CSPP1: variants seen among roughly 807,000 people sequenced by gnomAD.
CSPP1 encodes the protein centrosome and spindle pole associated protein 1.
Under a neutral mutation model 164.4 loss-of-function variants are expected in CSPP1, and 126 were observed. The observed-to-expected ratio is 0.77, with a 90% CI of 0.66 to 0.89. CSPP1 has a LOEUF of 0.89. Among genes scored for constraint, CSPP1 ranks in the 40% least tolerant of loss-of-function variants. CSPP1 has a pLI of 0.00. For missense variants in CSPP1, 1,395 were observed against 1,449.8 expected (o/e 0.96, Z 0.61); for synonymous variants, 472 against 476.7 (o/e 0.99, Z 0.13).
At chr8:67,083,836 C>T (rs1044984286) in intron 3 of CSPP1, 1 of 151,842 alleles carries the variant, frequency 6.6e-6, no homozygotes, top group Non-Finnish European at 1.5e-5. Context: ...TTGGTAACTA[C>T]CTCTCTCTAT....
Position 67,146,485 on chromosome 8 carries a change from A to G in CSPP1, c.1976-3298A>G, listed in dbSNP as rs533590409. 2.6e-5 allele frequency among the ~76,000 whole-genome samples: 4 copies of G among 152,310 alleles called. No individual in the cohort carries two copies. The South Asian group carries it at 8.3e-4, about 32-fold the overall frequency. On this transcript the variant is annotated intron_variant, in intron 17 of 30. Coordinates refer to ENST00000678616, the MANE Select transcript of CSPP1 (RefSeq NM_001382391.1). Reference sequence around the variant, plus strand: ...GTTTGTGAGATTTGTTTTATGAGCCATCAGTTAGAATTTTACTCTATAAGT... The same window carrying G: ...GTTTGTGAGATTTGTTTTATGAGCCGTCAGTTAGAATTTTACTCTATAAGT...
intron 4 of CSPP1, chr8:67,086,339 T>C: frequency 1.8e-6 from 1 of 550,036 alleles, no homozygotes; most frequent in Admixed American, 2.8e-5. Flanking sequence ...ACTAAGGCAG[T>C]GGATTCTAAT....
intron 7 of CSPP1, among the ~76,000 whole-genome samples, chr8:67,100,813 A>T (rs1259416462): frequency 1.3e-5 from 2 of 149,492 alleles, no homozygotes; most frequent in East Asian, 3.9e-4. Flanking sequence ...ATAAATAAAG[A>T]TTATTTTTAT....
In CSPP1 at chr8:67,091,819, C is replaced by A. The variant is rs376349106; in HGVS notation, c.320C>A (p.Thr107Lys). ...RYLTQKNFLSTSETDPSTLGV... is the reference protein window; with the variant it reads ...RYLTQKNFLSKSETDPSTLGV... ...TATATACAGAAAAATTTTCTATCTA[C>A]GAGTGAAACAGATCCATCTACTTTG... The change falls in exon 5 of 31, where the codon ACG (threonine) becomes AAG (lysine). Residue 107 changes from threonine to lysine, a missense_variant. Physicochemically the swap from Thr to Lys is moderately conservative, Grantham distance 78 (BLOSUM62 -1). Coordinates refer to ENST00000678616, the MANE Select transcript of CSPP1 (RefSeq NM_001382391.1). 78 of 1,330,574 alleles carry A rather than the reference C, an allele frequency of 5.9e-5. No homozygotes were observed. The highest frequency in any genetic ancestry group is 6.7e-5 in the Non-Finnish European group (67 of 1,000,294). The allele number at this position is 1,330,574 out of a possible 1,614,324, so 82.4% of individuals were successfully genotyped here.
At chr8:67,070,016 C>T (rs916510882) in intron 1 of CSPP1, among the ~76,000 whole-genome samples, 10 of 150,916 alleles carry the variant, frequency 6.6e-5, no homozygotes, top group South Asian at 2.1e-4. Flanking sequence ...AAAATATATG[C>T]GTTATCTCAT....
chr8:67,124,220 A>C (rs184036693), intron 15 of CSPP1, among the ~76,000 whole-genome samples: 3 of 152,210 alleles, frequency 2.0e-5, no homozygotes, highest in Admixed American at 2.0e-4. Context: ...TTTATGTTAA[A>C]TATTTAATAG....
intron 28 of CSPP1, among the ~76,000 whole-genome samples, chr8:67,186,390 A>C (rs1834583269): frequency 6.7e-6 from 1 of 149,962 alleles, no homozygotes; most frequent in East Asian, 2.0e-4. Flanking sequence ...AAAAATATAC[A>C]TGTGAAATAA....
chr8:67,129,374 A>G (rs1169540891), intron 15 of CSPP1, among the ~76,000 whole-genome samples: 1 of 152,186 alleles, frequency 6.6e-6, no homozygotes, highest in Non-Finnish European at 1.5e-5. Context: ...TTTGCAAAAT[A>G]ATATATGGTT....
At chr8:67,174,465 A>C (rs1831130549) in intron 25 of CSPP1, 1 of 152,304 alleles carries the variant, frequency 6.6e-6, no homozygotes, top group African/African-American at 2.4e-5. Context: ...CTCAAGATTA[A>C]AAAATTTTTA....
chr8:67,147,341 G>T (rs1434715647), intron 17 of CSPP1, among the ~76,000 whole-genome samples: 1 of 152,084 alleles, frequency 6.6e-6, no homozygotes, highest in Non-Finnish European at 1.5e-5. Context: ...ACCTTTTTCT[G>T]TGGTTTCACC....
At chr8:67,067,208 T>C (rs1034375043) in intron 1 of CSPP1, among the ~76,000 whole-genome samples, 2 of 152,180 alleles carry the variant, frequency 1.3e-5, no homozygotes, top group African/African-American at 4.8e-5. Flanking sequence ...TTCCCATCTT[T>C]TTGTGACTGA....
At chr8:67,119,092 A>G (rs1053336360) in intron 15 of CSPP1, among the ~76,000 whole-genome samples, 7 of 151,708 alleles carry the variant, frequency 4.6e-5, no homozygotes, top group Non-Finnish European at 8.8e-5. Flanking sequence ...GATTTTGACT[A>G]CTCCATGTAC....
At chr8:67,080,097 TTCAG>T (rs775699733) in intron 3 of CSPP1, among the ~76,000 whole-genome samples, 2 of 152,184 alleles carry the variant, frequency 1.3e-5, no homozygotes, top group African/African-American at 4.8e-5. Context: ...GGCTTTAAAA[TTCAG>T]TCAAATACAT....
At chr8:67,064,721 G>C in intron 1 of CSPP1, 183 bp downstream of exon 1, 1 of 540,098 alleles carries the variant, frequency 1.9e-6, no homozygotes, top group South Asian at 2.5e-5. Context: ...GTCGGCAGGG[G>C]GTCTCGTGGC....
intron 26 of CSPP1, 195 bp downstream of exon 26, chr8:67,175,631 G>A: frequency 1.4e-6 from 1 of 700,396 alleles, no homozygotes; most frequent in South Asian, 1.5e-5. Flanking sequence ...CACTAGGGTG[G>A]TGTATTCATG....
chr8:67,158,900 A>G lies in CSPP1; in HGVS notation c.2392-91A>G, dbSNP rs897809589. On this transcript the variant is annotated intron_variant, in intron 20 of 30. Transcript: ENST00000678616. ...ACCATATCATGTCATCTATATCTTT[A>G]TCTCATTTTATCAGATAAATAAGGC... is the stretch of plus-strand genomic sequence containing the variant. 31 of 1,104,110 alleles carry G rather than the reference A, an allele frequency of 2.8e-5. No homozygotes were observed. The African/African-American group carries it at 3.2e-4, about 11-fold the overall frequency. The allele number at this position is 1,104,110 out of a possible 1,614,324, so 68.4% of individuals were successfully genotyped here. A position where few individuals can be genotyped will look rare whatever the true frequency, so the allele number is the denominator to read the frequency against.
intron 17 of CSPP1, among the ~76,000 whole-genome samples, chr8:67,145,445 A>T (rs1824333964): frequency 6.9e-6 from 1 of 145,832 alleles, no homozygotes; most frequent in African/African-American, 2.5e-5. Flanking sequence ...TGTTTCAGTG[A>T]TTTTGCTCTT....
chr8:67,093,682 A>G lies in CSPP1; in HGVS notation c.483+41A>G, dbSNP rs912929536. On this transcript the variant is annotated intron_variant, in intron 6 of 30. Coordinates refer to ENST00000678616, the MANE Select transcript of CSPP1 (RefSeq NM_001382391.1). ...GAATTAAATCTGTACTACTACTACC[A>G]CAGGTTGAATATTTTGTACTTGAAA... The G allele has an allele frequency of 3.0e-5, 32 of 1,072,198 alleles. 1 individual carries two copies. Among genetic ancestry groups the G allele is most frequent in the Middle Eastern group, 2.1e-4 (1 of 4,860 alleles). 66.4% of individuals were successfully genotyped at this position (1,072,198 alleles called of 1,614,324 possible).
intron 29 of CSPP1, among the ~76,000 whole-genome samples, chr8:67,191,873 C>T (rs1376059087): frequency 6.6e-6 from 1 of 152,152 alleles, no homozygotes; most frequent in East Asian, 1.9e-4. Context: ...CCATCATCCA[C>T]TGAGGGTTGT....
Sources: allele counts gnomAD v4.1 joint callset (sites outside exome capture counted in the v4.1 genomes callset), GRCh38; gene constraint gnomAD v4.1.1; transcripts MANE v1.5; gene names NCBI Gene and HGNC (gene_info 2026-07-23, HGNC 2026-07-21).